The following ANKRD16 variants were observed in gnomAD, a reference collection of about 807,000 sequenced individuals.
ANKRD16 encodes ankyrin repeat domain-containing protein 16.
Under a neutral mutation model 37.9 loss-of-function variants are expected in ANKRD16, and 35 were observed. That is an observed-to-expected ratio of 0.92 (90% CI 0.71 to 1.23). ANKRD16 has a LOEUF of 1.23. ANKRD16 is among the 50% of genes most tolerant of loss of function. The pLI, the probability that ANKRD16 is intolerant of heterozygous loss-of-function variation, is 0.00. For missense variants in ANKRD16, 480 were observed against 469.9 expected (o/e 1.02, Z -0.20); for synonymous variants, 206 against 197.2 (o/e 1.04, Z -0.37).
chr10:5,889,090 A>G lies in ANKRD16; in HGVS notation c.265T>C (p.Tyr89His), dbSNP rs1175932196. The change falls in exon 1 of 8, where the codon TAC becomes CAC. Residue 89 changes from tyrosine (Y) to histidine (H), a missense_variant. Coordinates refer to ENST00000380094, the MANE Select transcript of ANKRD16 (RefSeq NM_019046.3). ...ASMGHRDCVR[Y>H]LLGRGAAVDC... Reference sequence around the variant, plus strand: ...ACCGCTGCCCCCCGGCCCAGCAGGTAGCGCACGCAGTCTCGGTGGCCCATG... The same window carrying G: ...ACCGCTGCCCCCCGGCCCAGCAGGTGGCGCACGCAGTCTCGGTGGCCCATG... 2.5e-6 allele frequency: 4 copies of G among 1,582,206 alleles called. No individual in the cohort carries two copies. Among genetic ancestry groups the G allele is most frequent in the Non-Finnish European group, 3.4e-6 (4 of 1,171,330 alleles).
At chr10:5,875,076 GTC>G (rs1172832595) in intron 7 of ANKRD16, among the ~76,000 whole-genome samples, 1 of 152,142 alleles carries the variant, frequency 6.6e-6, no homozygotes, top group Non-Finnish European at 1.5e-5. Flanking sequence ...GAAAGGAAGA[GTC>G]TGCACAGAGC....
rs1272589211 is a variant in ANKRD16 at position 5,874,586 on chromosome 10, G to C, written c.*33+3511C>G. Among the ~76,000 whole-genome samples, 2 of 152,176 alleles carry C rather than the reference G, an allele frequency of 1.3e-5. No homozygotes were observed. The highest frequency in any genetic ancestry group is 2.9e-5 in the Non-Finnish European group (2 of 68,032). On this transcript the variant is annotated intron_variant, in intron 7 of 7. Transcript: ENST00000380094. The surrounding 1 kb of genome is among the most constrained non-coding windows in gnomAD (Gnocchi z 4.7). ...AGGGAGGAGTCATGACTGACCCCCAGCTTTCCAACACAGGTTGGGTGAGCT... is the reference window on the plus strand; with the variant it reads ...AGGGAGGAGTCATGACTGACCCCCACCTTTCCAACACAGGTTGGGTGAGCT...
rs536633140 is a variant in ANKRD16, at chr10:5,872,701, C to T, written c.*33+5396G>A. The stretch of plus-strand genomic sequence containing the variant: ...CCTCTCGAGTAGCTAGGACTACAGG[C>T]GCCCGCCACCACACCCGGCTAATTT... On this transcript the variant is annotated intron_variant, in intron 7 of 7. Transcript: ENST00000380094. 1.5e-3 allele frequency among the ~76,000 whole-genome samples: 222 copies of T among 151,070 alleles called. 1 individual carries two copies. The highest frequency in any genetic ancestry group is 2.6e-3 in the Admixed American group (39 of 15,168).
intron 7 of ANKRD16, among the ~76,000 whole-genome samples, chr10:5,877,727 T>C (rs971922521): frequency 6.6e-6 from 1 of 152,226 alleles, no homozygotes. Flanking sequence ...GTTATTATTA[T>C]CACAGCCTTA....
rs1465679348 is a variant in ANKRD16, at chr10:5,889,306, C to T, written c.49G>A (p.Gly17Ser). The T allele has an allele frequency of 3.7e-6, 5 of 1,357,138 alleles. No individual in the cohort carries two copies. Among genetic ancestry groups the T allele is most frequent in the Non-Finnish European group, 4.7e-6 (5 of 1,058,904 alleles). 84.1% of individuals were successfully genotyped at this position (1,357,138 alleles called of 1,614,324 possible). The change falls in exon 1 of 8, where the codon GGC (glycine) becomes AGC (serine). Residue 17 changes from glycine to serine, a missense_variant. Transcript: ENST00000380094. Reference sequence around the variant, plus strand: ...TCCTCCTTCAGGGCGCGCAGCCGGCCCTCCTGCACCAGCCTGCAGAGGCGC... The same window carrying T: ...TCCTCCTTCAGGGCGCGCAGCCGGCTCTCCTGCACCAGCCTGCAGAGGCGC... ...PRRLCRLVQE[G>S]RLRALKEELQ... is the part of the protein sequence containing the mutation.
At position 5,883,037 on chromosome 10, in the gene ANKRD16, G is replaced by GT. The variant is rs1842345491; in HGVS notation, c.817dup (p.Thr273AsnfsTer11). Reference sequence around the variant, plus strand: ...TGCATAATGAAGTGCTGTGAGGTGGGTTGATGTGGCTCTCACATCTACATC... The same window carrying GT: ...TGCATAATGAAGTGCTGTGAGGTGGGTTTGATGTGGCTCTCACATCTACATC... On this transcript the variant is annotated frameshift_variant, in exon 5 of 8. Coordinates refer to ENST00000380094, the MANE Select transcript of ANKRD16 (RefSeq NM_019046.3). LOFTEE classifies it high-confidence loss of function. 2 of 1,613,850 alleles carry GT rather than the reference G, an allele frequency of 1.2e-6. No homozygotes were observed. Among genetic ancestry groups the GT allele is most frequent in the Middle Eastern group, 1.6e-4 (1 of 6,084 alleles).
At chr10:5,881,063 T>C (rs1016830801) in intron 5 of ANKRD16, 2 of 528,776 alleles carry the variant, frequency 3.8e-6, no homozygotes, top group African/African-American at 4.2e-5. Flanking sequence ...CCTCCCAAAG[T>C]GTTGGGATTA....
chr10:5,885,590 G>T, intron 3 of ANKRD16, 133 bp downstream of exon 3: 1 of 848,316 alleles, frequency 1.2e-6, no homozygotes, highest in Non-Finnish European at 1.8e-6. Flanking sequence ...TATCTGCTAT[G>T]TCTTTTGTTC....
chr10:5,881,221 T>C, intron 5 of ANKRD16: 1 of 277,716 alleles, frequency 3.6e-6, no homozygotes, highest in African/African-American at 2.3e-5. Context: ...GCCAAATTAC[T>C]GACCCAATGC....
At chr10:5,885,668 C>A in intron 3 of ANKRD16, 55 bp downstream of exon 3, 1 of 1,598,578 alleles carries the variant, frequency 6.3e-7, no homozygotes, top group South Asian at 1.1e-5. Flanking sequence ...GCACTGATAT[C>A]AACTCTTTGT....
In ANKRD16 at chr10:5,866,197, C is replaced by T. The variant is rs535667854; in HGVS notation, c.*34-3506G>A. On this transcript the variant is annotated intron_variant, in intron 7 of 7. Coordinates refer to ENST00000380094, the MANE Select transcript of ANKRD16 (RefSeq NM_019046.3). This position sits in a 1 kb window ranked among gnomAD's most constrained non-coding sequence, Gnocchi z 4.3. The stretch of plus-strand genomic sequence containing the variant: ...GAGGGACCAGTGCTTCAAATACATA[C>T]GTGTGCGGCCCTCAACCCTGCCACT... Among the ~76,000 whole-genome samples the T allele has an allele frequency of 1.1e-3, 173 of 152,246 alleles. 1 individual carries two copies. The highest frequency in any genetic ancestry group is 3.8e-3 in the African/African-American group (158 of 41,538).
rs746322386 is a variant in ANKRD16, at chr10:5,874,489, G to A, written c.*33+3608C>T. Among the ~76,000 whole-genome samples the A allele has an allele frequency of 1.3e-5, 2 of 152,170 alleles. No homozygotes were observed. Among genetic ancestry groups the A allele is most frequent in the Admixed American group, 6.5e-5 (1 of 15,276 alleles). ...GAGTGAGAGAGCTTGGGCAGGAGTCGCAGTAGGGATGGTGTGGAACAGGCA... is the reference window on the plus strand; with the variant it reads ...GAGTGAGAGAGCTTGGGCAGGAGTCACAGTAGGGATGGTGTGGAACAGGCA... On this transcript the variant is annotated intron_variant, in intron 7 of 7. Coordinates refer to ENST00000380094, the MANE Select transcript of ANKRD16 (RefSeq NM_019046.3). This position sits in a 1 kb window ranked among gnomAD's most constrained non-coding sequence, Gnocchi z 4.7.
Position 5,889,309 on chromosome 10 carries a change from C to A in ANKRD16, c.46G>T (p.Glu16Ter). 7.5e-7 allele frequency: 1 copy of A among 1,336,978 alleles called. No homozygotes were observed. The highest frequency in any genetic ancestry group is 9.5e-7 in the Non-Finnish European group (1 of 1,048,392). 82.8% of individuals were successfully genotyped at this position (1,336,978 alleles called of 1,614,324 possible). Residue 16 changes from glutamate (E) to a stop codon, truncating the protein, a stop_gained, in exon 1 of 8, where the codon GAG becomes TAG. Coordinates refer to ENST00000380094, the MANE Select transcript of ANKRD16 (RefSeq NM_019046.3). LOFTEE classifies it high-confidence loss of function. ...DPRRLCRLVQ[E>*]GRLRALKEEL... is the part of the protein sequence containing the mutation. ...TCCTTCAGGGCGCGCAGCCGGCCCT[C>A]CTGCACCAGCCTGCAGAGGCGCCGC... is the stretch of plus-strand genomic sequence containing the variant.
intron 2 of ANKRD16, 52 bp from the exon 3 acceptor site, chr10:5,885,817 A>T (rs757999976): frequency 6.4e-7 from 1 of 1,558,864 alleles, no homozygotes; most frequent in Non-Finnish European, 8.7e-7. Context: ...CACACACAAA[A>T]TGCTTCCTGC....
At chr10:5,886,330 C>G (rs1842422672) in intron 2 of ANKRD16, among the ~76,000 whole-genome samples, 1 of 152,212 alleles carries the variant, frequency 6.6e-6, no homozygotes, top group Admixed American at 6.5e-5. Context: ...GTGGCTCATG[C>G]CTGTAATCCC....
intron 7 of ANKRD16, 151 bp downstream of exon 7, chr10:5,877,946 C>T (rs1589019717): frequency 1.3e-6 from 1 of 747,992 alleles, no homozygotes; most frequent in East Asian, 2.7e-5. Context: ...TGTCATGGAG[C>T]TGGGAACTCA....
In ANKRD16 at chr10:5,868,194, T is replaced by C. The variant is rs1842042492; in HGVS notation, c.*34-5503A>G. ...AGGATCGAGGCCATCAAGCTACAGA[T>C]GGTCTTACAAATGGAACCCCAAATG... On this transcript the variant is annotated intron_variant, in intron 7 of 7. Coordinates refer to ENST00000380094, the MANE Select transcript of ANKRD16 (RefSeq NM_019046.3). This position sits in a 1 kb window ranked among gnomAD's most constrained non-coding sequence, Gnocchi z 4.9. 6.6e-6 allele frequency among the ~76,000 whole-genome samples: 1 copy of C among 152,198 alleles called. No homozygotes were observed. The highest frequency in any genetic ancestry group is 1.5e-5 in the Non-Finnish European group (1 of 68,042).
chr10:5,862,559 T>A lies in ANKRD16; in HGVS notation c.*166A>T. 2 of 1,270,852 alleles carry A rather than the reference T, an allele frequency of 1.6e-6. No homozygotes were observed. The highest frequency in any genetic ancestry group is 2.5e-5 in the South Asian group (2 of 80,704). 78.7% of individuals were successfully genotyped at this position (1,270,852 alleles called of 1,614,324 possible). ...CTTCACCACTGGTACACCTCAGATA[T>A]ACAACTTTGATCTCGCTGGGGTCAA... On this transcript the variant is annotated 3_prime_UTR_variant, in exon 8 of 8. Coordinates refer to ENST00000380094, the MANE Select transcript of ANKRD16 (RefSeq NM_019046.3). The surrounding 1 kb of genome is among the most constrained non-coding windows in gnomAD (Gnocchi z 6.5).
In ANKRD16 at chr10:5,866,680, G is replaced by A. The variant is rs1842017611; in HGVS notation, c.*34-3989C>T. 6.6e-6 allele frequency among the ~76,000 whole-genome samples: 1 copy of A among 152,218 alleles called. No individual in the cohort carries two copies. The highest frequency in any genetic ancestry group is 2.1e-4 in the South Asian group (1 of 4,834). On this transcript the variant is annotated intron_variant, in intron 7 of 7. Coordinates refer to ENST00000380094, the MANE Select transcript of ANKRD16 (RefSeq NM_019046.3). The surrounding 1 kb of genome is among the most constrained non-coding windows in gnomAD (Gnocchi z 4.3). ...CCCAAGGAGGTGGCAGTCTTACACC[G>A]CCGAAGCCATCAAAAAGGGGAAGGA...
Sources: gnomAD v4.1 joint callset for allele counts (sites outside exome capture counted in the v4.1 genomes callset) on GRCh38, gnomAD v4.1.1 for gene constraint, Gnocchi (gnomAD v3.1) non-coding constraint, MANE v1.5 for transcripts, NCBI Gene and HGNC (gene_info 2026-07-23, HGNC 2026-07-21) for gene names.